UVRAG: variants seen among roughly 807,000 people sequenced by gnomAD.
UVRAG encodes the protein UV radiation resistance-associated gene protein.
A neutral mutation model predicts 78.0 loss-of-function variants in UVRAG; 19 were observed. The observed-to-expected ratio is 0.24, with a 90% CI of 0.17 to 0.36. UVRAG has a LOEUF of 0.36. Ranked by LOEUF, UVRAG falls within the 10% of genes least tolerant of loss-of-function variation. The pLI, the probability that UVRAG is intolerant of heterozygous loss-of-function variation, is 1.00. For missense variants in UVRAG, 740 were observed against 853.8 expected, an observed-to-expected ratio of 0.87 and a Z score of 1.66; for synonymous variants, 323 against 324.6, an observed-to-expected ratio of 1.00 and a Z score of 0.05.
chr11:76,067,426 A>T (rs1157040497), intron 13 of UVRAG, among the ~76,000 whole-genome samples: 2 of 152,188 alleles, frequency 1.3e-5, no homozygotes, highest in Non-Finnish European at 1.5e-5. Context: ...CTGTCATGCC[A>T]TGGAAAAGGC....
intron 1 of UVRAG, among the ~76,000 whole-genome samples, chr11:75,844,178 A>G (rs1379963380): frequency 1.3e-5 from 2 of 152,110 alleles, no homozygotes; most frequent in African/African-American, 4.8e-5. Context: ...AAACAAAATA[A>G]AAAAGTTGTT....
At chr11:75,852,667 C>A (rs1412228185) in intron 2 of UVRAG, among the ~76,000 whole-genome samples, 2 of 152,184 alleles carry the variant, frequency 1.3e-5, no homozygotes, top group African/African-American at 4.8e-5. Context: ...CAGCTACTCA[C>A]TAGCTTCGTG....
At chr11:76,101,091 A>G (rs937289729) in intron 13 of UVRAG, among the ~76,000 whole-genome samples, 2 of 147,878 alleles carry the variant, frequency 1.4e-5, no homozygotes, top group African/African-American at 2.7e-5. Flanking sequence ...TGTCTTTATG[A>G]TAAAACGATT....
chr11:76,114,506 G>A (rs1952138746), intron 13 of UVRAG, among the ~76,000 whole-genome samples: 1 of 152,032 alleles, frequency 6.6e-6, no homozygotes, highest in Admixed American at 6.6e-5. Context: ...CCCCTTTCTG[G>A]GGTTCAGTTT....
At chr11:75,884,460 T>G in intron 4 of UVRAG, among the ~76,000 whole-genome samples, 1 of 152,136 alleles carries the variant, frequency 6.6e-6, no homozygotes, top group East Asian at 1.9e-4. Flanking sequence ...TGTTACATGC[T>G]TTTTGTGTCT....
In UVRAG at chr11:75,864,615, G is replaced by A. The variant is rs146277387; in HGVS notation, c.270+2835G>A. On this transcript the variant is annotated intron_variant, in intron 3 of 14. Transcript: ENST00000356136. ...TGTGATATTTGCTGAATAGTTAGTC[G>A]TTTAAATGCTTTTGTATTTATTTGT... Among the ~76,000 whole-genome samples, 11 of 152,306 alleles carry A rather than the reference G, an allele frequency of 7.2e-5. No individual in the cohort carries two copies. The East Asian group carries it at 1.2e-3, about 16-fold the overall frequency.
At chr11:76,038,188 G>T (rs1357255711) in intron 12 of UVRAG, among the ~76,000 whole-genome samples, 1 of 152,038 alleles carries the variant, frequency 6.6e-6, no homozygotes, top group Non-Finnish European at 1.5e-5. Flanking sequence ...AGCTATGCTG[G>T]AGTACAAAAA....
At chr11:75,885,465 C>T (rs1947054492) in intron 4 of UVRAG, among the ~76,000 whole-genome samples, 1 of 152,082 alleles carries the variant, frequency 6.6e-6, no homozygotes, top group Non-Finnish European at 1.5e-5. Flanking sequence ...TTTAAGAAAA[C>T]AGAAGCTCAG....
intron 3 of UVRAG, among the ~76,000 whole-genome samples, chr11:75,865,119 C>A (rs903889673): frequency 6.6e-6 from 1 of 152,034 alleles, no homozygotes; most frequent in African/African-American, 2.4e-5. Flanking sequence ...GAATCCCCAT[C>A]TCTACTAAAA....
intron 6 of UVRAG, among the ~76,000 whole-genome samples, chr11:75,927,650 CAGGGA>C (rs1948139806): frequency 6.6e-6 from 1 of 151,970 alleles, no homozygotes; most frequent in South Asian, 2.1e-4. Context: ...GTAGGATGAT[CAGGGA>C]AGACCTCACT....
chr11:75,922,988 A>G (rs1347053820), intron 6 of UVRAG, among the ~76,000 whole-genome samples: 6 of 145,486 alleles, frequency 4.1e-5, no homozygotes, highest in African/African-American at 1.0e-4. Context: ...AAAAATATAT[A>G]TACATATATT....
chr11:75,852,007 G>A lies in UVRAG; in HGVS notation c.235+7G>A. On this transcript the variant is annotated splice_region_variant and intron_variant, in intron 2 of 14. Transcript: ENST00000356136. ...ACTGAAAAGATATATAAAGGTAAGG[G>A]GATCTGTGGCCTTACTACCCACAGA... The A allele has an allele frequency of 1.9e-6, 3 of 1,553,940 alleles. No individual in the cohort carries two copies. Among genetic ancestry groups the A allele is most frequent in the African/African-American group, 2.8e-5 (2 of 72,552 alleles).
At chr11:75,834,611 G>A (rs1381198780) in intron 1 of UVRAG, among the ~76,000 whole-genome samples, 3 of 152,218 alleles carry the variant, frequency 2.0e-5, no homozygotes, top group Non-Finnish European at 2.9e-5. Context: ...TCAGGAGATC[G>A]AGACTGTCCT....
chr11:75,870,944 A>T (rs1052108738), intron 3 of UVRAG, among the ~76,000 whole-genome samples: 4 of 151,618 alleles, frequency 2.6e-5, no homozygotes, highest in Non-Finnish European at 5.9e-5. Context: ...ATCCCGGCTC[A>T]CTGCAACCTC....
At chr11:75,902,029 T>C (rs1273945693) in intron 5 of UVRAG, among the ~76,000 whole-genome samples, 10 of 152,234 alleles carry the variant, frequency 6.6e-5, no homozygotes, top group Admixed American at 4.6e-4. Flanking sequence ...CTGTAAACTG[T>C]GTGAGGGCAA....
intron 7 of UVRAG, among the ~76,000 whole-genome samples, chr11:75,973,980 A>C (rs1021451198): frequency 6.6e-6 from 1 of 152,090 alleles, no homozygotes; most frequent in African/African-American, 2.4e-5. Context: ...GTTGATTCCA[A>C]GTCTTTGCTA....
chr11:75,975,351 T>C (rs1020487602), intron 7 of UVRAG, among the ~76,000 whole-genome samples: 21 of 152,224 alleles, frequency 1.4e-4, no homozygotes, highest in African/African-American at 4.8e-4. Context: ...CAATGCGGGC[T>C]CTTTTTTGGT....
chr11:75,857,497 C>CTTTTTTT (rs1555075376), intron 2 of UVRAG, among the ~76,000 whole-genome samples: 1 of 147,698 alleles, frequency 6.8e-6, no homozygotes, highest in Non-Finnish European at 1.5e-5. Context: ...TTCCCCCCCC[C>CTTTTTTT]TTTTTTTTTT....
chr11:75,958,462 T>A (rs899057097), intron 6 of UVRAG, among the ~76,000 whole-genome samples: 4 of 152,178 alleles, frequency 2.6e-5, no homozygotes, highest in African/African-American at 9.7e-5. Flanking sequence ...TTTTCTTGAT[T>A]AACTGTAAAA....
Sources: gnomAD v4.1 joint callset for allele counts (sites outside exome capture counted in the v4.1 genomes callset) on GRCh38, gnomAD v4.1.1 for gene constraint, MANE v1.5 for transcripts, NCBI Gene and HGNC (gene_info 2026-07-23, HGNC 2026-07-21) for gene names.